Variants in TRAF6 observed in about 807,000 individuals in gnomAD.
The protein encoded by TRAF6 is TNF receptor associated factor 6, also known as TNF receptor-associated factor 6.
TRAF6 carries 10 observed loss-of-function variants against 48.4 expected under a neutral mutation model. The ratio of observed to expected loss-of-function variants is 0.21; its 90% confidence interval spans 0.13 to 0.35. The LOEUF (loss-of-function observed/expected upper bound fraction) is 0.35. Among genes scored for constraint, TRAF6 ranks in the 10% least tolerant of loss-of-function variants. TRAF6 has a pLI of 1.00. For synonymous variants in TRAF6, 186 were observed against 219.6 expected (o/e 0.85, Z 1.35); for missense variants, 397 against 661.0 (o/e 0.60, Z 4.38).
rs1859548715 is a variant in TRAF6, at chr11:36,490,520, T to C, written c.887A>G (p.Gln296Arg). Residue 296 changes from glutamine to arginine, a missense_variant, in exon 7 of 7, where the codon CAG becomes CGG. Gln to Arg is a conservative substitution (Grantham distance 43, BLOSUM62 1). This residue lies in a region of TRAF6 where 245 missense variants were observed against 349.1 expected (regional missense o/e 0.70). Coordinates refer to ENST00000526995, the MANE Select transcript of TRAF6 (RefSeq NM_004620.4). This position sits in a 1 kb window ranked among gnomAD's most constrained non-coding sequence, Gnocchi z 6.4. ...SGYISEVRNF[Q>R]ETIHQLEGRL... ...ACCCTCTAACTGGTGAATAGTTTCC[T>C]GGAAATTCCGGACCTCTGAGATATA... is the stretch of plus-strand genomic sequence containing the variant. 4.3e-6 allele frequency: 7 copies of C among 1,614,040 alleles called. No homozygotes were observed. Among genetic ancestry groups the C allele is most frequent in the Non-Finnish European group, 5.9e-6 (7 of 1,180,036 alleles).
chr11:36,490,797 G>C lies in TRAF6; in HGVS notation c.757-147C>G, dbSNP rs1199620372. ...TTTCCTTTGCCTTCAACAGATTCTT[G>C]ATCCAATGAGGCGACTCTGCCTCTT... On this transcript the variant is annotated intron_variant, in intron 6 of 6. Coordinates refer to ENST00000526995, the MANE Select transcript of TRAF6 (RefSeq NM_004620.4). The surrounding 1 kb of genome is among the most constrained non-coding windows in gnomAD (Gnocchi z 6.4). 1.5e-6 allele frequency: 1 copy of C among 684,524 alleles called. No individual in the cohort carries two copies. The highest frequency in any genetic ancestry group is 3.1e-5 in the Admixed American group (1 of 32,438). The allele number at this position is 684,524 out of a possible 1,614,324, so 42.4% of individuals were successfully genotyped here.
chr11:36,490,774 T>C lies in TRAF6; in HGVS notation c.757-124A>G. On this transcript the variant is annotated intron_variant, in intron 6 of 6. Transcript: ENST00000526995. The surrounding 1 kb of genome is among the most constrained non-coding windows in gnomAD (Gnocchi z 6.4). ...CACTTCCCTCAATTCTCTACAATTT[T>C]CCTTTGCCTTCAACAGATTCTTGAT... 1.2e-6 allele frequency: 1 copy of C among 841,222 alleles called. No homozygotes were observed. The highest frequency in any genetic ancestry group is 1.8e-6 in the Non-Finnish European group (1 of 557,052). 52.1% of individuals were successfully genotyped at this position (841,222 alleles called of 1,614,324 possible).
chr11:36,490,148 C>G lies in TRAF6; in HGVS notation c.1259G>C (p.Ser420Thr), dbSNP rs916447705. ...FVHTMQGEYD[S>T]HLPWPFQGTI... is the part of the protein sequence containing the mutation. Reference sequence around the variant, plus strand: ...ACCCTGGAAGGGCCAAGGGAGGTGGCTGTCATATTCTCCTTGCATTGTGTG... The same window carrying G: ...ACCCTGGAAGGGCCAAGGGAGGTGGGTGTCATATTCTCCTTGCATTGTGTG... Residue 420 changes from serine to threonine, a missense_variant, in exon 7 of 7, where the codon AGC becomes ACC. Physicochemically the swap from Ser to Thr is moderately conservative, Grantham distance 58 (BLOSUM62 1). Transcript: ENST00000526995. This position sits in a 1 kb window ranked among gnomAD's most constrained non-coding sequence, Gnocchi z 6.4. 2.6e-5 allele frequency: 42 copies of G among 1,614,034 alleles called. No homozygotes were observed. The highest frequency in any genetic ancestry group is 3.2e-5 in the Non-Finnish European group (38 of 1,180,048).
At chr11:36,506,130 A>G (rs535640292) in intron 1 of TRAF6, among the ~76,000 whole-genome samples, 664 of 60,160 alleles carry the variant, frequency 0.011, 9 homozygotes, top group East Asian at 0.091. Context: ...TAAATCTTCA[A>G]TATGTTAAAA....
rs1230769140 is a variant in TRAF6, at chr11:36,488,459, C to T, written c.*1379G>A. On this transcript the variant is annotated 3_prime_UTR_variant, in exon 7 of 7. Transcript: ENST00000526995. ...CGCTGGCTGGCGACTCTGATTTGGC[C>T]TCTCTGGGGGATACAATGTCATCTC... 1.3e-5 allele frequency: 2 copies of T among 152,956 alleles called. No individual in the cohort carries two copies. The highest frequency in any genetic ancestry group is 4.8e-5 in the African/African-American group (2 of 41,392). 9.5% of individuals were successfully genotyped at this position (152,956 alleles called of 1,614,324 possible).
In TRAF6 at chr11:36,489,254, A is replaced by G. The variant is rs1013182753; in HGVS notation, c.*584T>C. On this transcript the variant is annotated 3_prime_UTR_variant, in exon 7 of 7. Transcript: ENST00000526995. ...ATTTAGGGTTTAAACTCATCCCTGA[A>G]TATCCTTAGTAACAACCTGGAGGAA... 3.3e-5 allele frequency: 5 copies of G among 153,306 alleles called. No homozygotes were observed. Among genetic ancestry groups the G allele is most frequent in the Admixed American group, 1.9e-4 (3 of 15,396 alleles). 9.5% of individuals were successfully genotyped at this position (153,306 alleles called of 1,614,324 possible). A position where few individuals can be genotyped will look rare whatever the true frequency, so the allele number is the denominator to read the frequency against.
chr11:36,498,745 T>A, intron 2 of TRAF6, 105 bp from the exon 3 acceptor site: 1 of 1,220,328 alleles, frequency 8.2e-7, no homozygotes, highest in South Asian at 1.6e-5. Context: ...GTTTCATAAG[T>A]AAAAACAATT....
chr11:36,502,682 G>A (rs1050776813), intron 1 of TRAF6, among the ~76,000 whole-genome samples: 35 of 152,044 alleles, frequency 2.3e-4, no homozygotes, highest in African/African-American at 5.8e-4. Flanking sequence ...CTTGATGACC[G>A]CCTACAATGA....
chr11:36,494,240 G>A (rs912884346), intron 5 of TRAF6, among the ~76,000 whole-genome samples: 1 of 152,110 alleles, frequency 6.6e-6, no homozygotes, highest in Admixed American at 6.6e-5. Flanking sequence ...CGGGCATGGT[G>A]GTGCACGCCC....
In TRAF6 at chr11:36,501,481, G is replaced by A. The variant is rs17852887; in HGVS notation, c.35C>T (p.Ser12Phe). ...ACAGCAGTCACTTTCAGACTGGCTG[G>A]ATCCACAGCTGTTTTCACAGTTTAG... ...SLLNCENSCG[S>F]SQSESDCCVA... is the part of the protein sequence containing the mutation. Residue 12 changes from serine (S) to phenylalanine (F), a missense_variant, in exon 2 of 7, where the codon TCC (serine) becomes TTC (phenylalanine). By Grantham distance (155) the Ser-to-Phe change is radical (BLOSUM62 -2). Around this residue, in one of 4 missense-constraint regions of TRAF6, gnomAD observed 73 missense variants for 87.3 expected, o/e 0.84. Coordinates refer to ENST00000526995, the MANE Select transcript of TRAF6 (RefSeq NM_004620.4). 1 of 1,611,536 alleles carries A rather than the reference G, an allele frequency of 6.2e-7. No homozygotes were observed. The highest frequency in any genetic ancestry group is 8.5e-7 in the Non-Finnish European group (1 of 1,178,046).
At position 36,486,247 on chromosome 11, in the gene TRAF6, C is replaced by T. The variant is rs1469065272; in HGVS notation, c.*3591G>A. On this transcript the variant is annotated 3_prime_UTR_variant, in exon 7 of 7. Transcript: ENST00000526995. ...AGAGATGGGGTTTCACCATTTTGGC[C>T]AGGCTGGTCTCGAACTCCTGGCTTC... Among the ~76,000 whole-genome samples, 1 of 152,102 alleles carries T rather than the reference C, an allele frequency of 6.6e-6. No individual in the cohort carries two copies. Among genetic ancestry groups the T allele is most frequent in the Non-Finnish European group, 1.5e-5 (1 of 68,026 alleles).
At chr11:36,503,101 T>A (rs971510691) in intron 1 of TRAF6, among the ~76,000 whole-genome samples, 1 of 152,204 alleles carries the variant, frequency 6.6e-6, no homozygotes, top group Non-Finnish European at 1.5e-5. Flanking sequence ...GCTTTGCACT[T>A]TGTAATACAC....
At position 36,488,301 on chromosome 11, in the gene TRAF6, A is replaced by C. The variant is rs1859515666; in HGVS notation, c.*1537T>G. ...AACAAACTCACCAGATCAGGAGCCT[A>C]AGGGTGGGTGGGGAGGGAGAAGAGA... On this transcript the variant is annotated 3_prime_UTR_variant, in exon 7 of 7. Transcript: ENST00000526995. 7.0e-6 allele frequency: 1 copy of C among 143,644 alleles called. No homozygotes were observed. Among genetic ancestry groups the C allele is most frequent in the Admixed American group, 6.9e-5 (1 of 14,520 alleles). The allele number at this position is 143,644 out of a possible 1,614,324, so 8.9% of individuals were successfully genotyped here.
chr11:36,493,597 A>G (rs1358240856), intron 5 of TRAF6, among the ~76,000 whole-genome samples: 2 of 152,200 alleles, frequency 1.3e-5, no homozygotes, highest in Non-Finnish European at 2.9e-5. Context: ...CTGATCCCAG[A>G]TCTATTTAGA....
In TRAF6 at chr11:36,488,132, T is replaced by C. The variant is rs897056323; in HGVS notation, c.*1706A>G. The C allele has an allele frequency of 2.6e-5, 4 of 152,166 alleles. No individual in the cohort carries two copies. The highest frequency in any genetic ancestry group is 5.9e-5 in the Non-Finnish European group (4 of 68,048). The allele number at this position is 152,166 out of a possible 1,614,324, so 9.4% of individuals were successfully genotyped here. A position where few individuals can be genotyped will look rare whatever the true frequency, so the allele number is the denominator to read the frequency against. ...AGGTTTCCCTACCTAGAGGGTGGTATGCAGTGATTCTCAGGCGCTGGTTGG... is the reference window on the plus strand; with the variant it reads ...AGGTTTCCCTACCTAGAGGGTGGTACGCAGTGATTCTCAGGCGCTGGTTGG... On this transcript the variant is annotated 3_prime_UTR_variant, in exon 7 of 7. Transcript: ENST00000526995.
In TRAF6 at chr11:36,495,000, G is replaced by A. The variant is rs1859610909; in HGVS notation, c.654C>T (p.Cys218=). 6.2e-7 allele frequency: 1 copy of A among 1,604,618 alleles called. No individual in the cohort carries two copies. Among genetic ancestry groups the A allele is most frequent in the South Asian group, 1.1e-5 (1 of 90,566 alleles). The change falls in exon 5 of 7, where the codon TGC becomes TGT. Residue 218 remains cysteine (C), a synonymous_variant. Coordinates refer to ENST00000526995, the MANE Select transcript of TRAF6 (RefSeq NM_004620.4). ...CCTGTTCTCTGATGAGTATAGTATT[G>A]CAGTATTCACAGATGACATTTGCCA... is the stretch of plus-strand genomic sequence containing the variant. ...CPLANVICEY[C]NTILIREQMP... is the part of the protein sequence containing the mutation.
chr11:36,509,413 T>C (rs1211891514), intron 1 of TRAF6, among the ~76,000 whole-genome samples: 3 of 151,430 alleles, frequency 2.0e-5, no homozygotes, highest in Non-Finnish European at 2.9e-5. Flanking sequence ...AAAACATTCG[T>C]GTCATCTGAG....
Position 36,486,258 on chromosome 11 carries a change from C to T in TRAF6, c.*3580G>A, listed in dbSNP as rs1277426377. Reference sequence around the variant, plus strand: ...TTCACCATTTTGGCCAGGCTGGTCTCGAACTCCTGGCTTCAAGTAATCCGC... The same window carrying T: ...TTCACCATTTTGGCCAGGCTGGTCTTGAACTCCTGGCTTCAAGTAATCCGC... On this transcript the variant is annotated 3_prime_UTR_variant, in exon 7 of 7. Coordinates refer to ENST00000526995, the MANE Select transcript of TRAF6 (RefSeq NM_004620.4). Among the ~76,000 whole-genome samples the T allele has an allele frequency of 3.3e-5, 5 of 152,058 alleles. No individual in the cohort carries two copies. The highest frequency in any genetic ancestry group is 1.2e-4 in the African/African-American group (5 of 41,368).
At chr11:36,507,811 A>C (rs1396060560) in intron 1 of TRAF6, among the ~76,000 whole-genome samples, 2 of 142,456 alleles carry the variant, frequency 1.4e-5, no homozygotes, top group East Asian at 4.1e-4. Context: ...GTATATATAC[A>C]CATATATACA....
Sources: allele counts gnomAD v4.1 joint callset (sites outside exome capture counted in the v4.1 genomes callset), GRCh38; gene constraint gnomAD v4.1.1; regional missense constraint gnomAD v4.1.1; non-coding constraint Gnocchi (gnomAD v3.1); transcripts MANE v1.5; gene names NCBI Gene and HGNC (gene_info 2026-07-23, HGNC 2026-07-21).